Variants in PTGER3 observed in about 807,000 individuals in gnomAD.
The protein encoded by PTGER3 is prostaglandin E receptor 3, also known as prostaglandin E2 receptor EP3 subtype.
Under a neutral mutation model 34.7 loss-of-function variants are expected in PTGER3, and 22 were observed. The observed-to-expected ratio is 0.63, with a 90% CI of 0.45 to 0.91. PTGER3 has a LOEUF of 0.91. Among genes scored for constraint, PTGER3 ranks in the 40% least tolerant of loss-of-function variants. PTGER3 has a pLI of 0.00. For missense variants in PTGER3, 468 were observed against 519.4 expected (o/e 0.90, Z 0.96); for synonymous variants, 241 against 230.1 (o/e 1.05, Z -0.43).
At chr1:70,916,457 A>C (rs1557652812) in intron 4 of PTGER3, among the ~76,000 whole-genome samples, 1 of 152,130 alleles carries the variant, frequency 6.6e-6, no homozygotes, top group Non-Finnish European at 1.5e-5. Context: ...GCTATTCACA[A>C]CAGCAAAGAC....
intron 4 of PTGER3, chr1:70,869,345 T>G (rs766197102): frequency 2.2e-5 from 10 of 464,460 alleles, no homozygotes; most frequent in African/African-American, 2.0e-4. Context: ...CAATTCAACA[T>G]GAGATTTGGG....
At chr1:70,945,974 T>G (rs1650189981) in intron 4 of PTGER3, among the ~76,000 whole-genome samples, 1 of 152,066 alleles carries the variant, frequency 6.6e-6, no homozygotes, top group South Asian at 2.1e-4. Context: ...CAGCTAACAT[T>G]GGAAAGGGCC....
At chr1:70,911,938 G>A (rs1362094432) in intron 4 of PTGER3, among the ~76,000 whole-genome samples, 5 of 151,944 alleles carry the variant, frequency 3.3e-5, no homozygotes, top group Non-Finnish European at 5.9e-5. Context: ...AAAATTTTTT[G>A]TACTTTCGTG....
At chr1:70,925,979 G>A (rs949528531) in intron 4 of PTGER3, among the ~76,000 whole-genome samples, 2 of 151,968 alleles carry the variant, frequency 1.3e-5, no homozygotes, top group African/African-American at 4.8e-5. Flanking sequence ...GTATCCCCTG[G>A]GGCTACACAG....
intron 4 of PTGER3, among the ~76,000 whole-genome samples, chr1:70,940,824 G>A (rs563584407): frequency 6.6e-6 from 1 of 152,216 alleles, no homozygotes; most frequent in South Asian, 2.1e-4. Flanking sequence ...GTATTCCTTA[G>A]TTGTTTGTCA....
Position 70,952,705 on chromosome 1 carries a change from C to T in PTGER3, c.*202G>A, listed in dbSNP as rs760897795. The T allele has an allele frequency of 4.7e-5, 58 of 1,225,864 alleles. No individual in the cohort carries two copies. In the South Asian group the frequency reaches 1.1e-3, roughly 23 times the overall value. 75.9% of individuals were successfully genotyped at this position (1,225,864 alleles called of 1,614,324 possible). ...TACTATAAGTCTAAATTGGGTAGTT[C>T]GAGTGACCAACCAGTTTGTTCAGCT... On this transcript the variant is annotated 3_prime_UTR_variant, in exon 4 of 4. Transcript: ENST00000356595.
At chr1:70,927,808 T>A (rs545983) in intron 4 of PTGER3, among the ~76,000 whole-genome samples, 135,409 of 152,098 alleles carry the variant, frequency 0.89, 60,316 homozygotes, top group East Asian at 0.96. Flanking sequence ...AATGATGTTA[T>A]CTGTCTCCAG....
chr1:70,895,621 T>G (rs1038427715), intron 4 of PTGER3, among the ~76,000 whole-genome samples: 1 of 152,216 alleles, frequency 6.6e-6, no homozygotes, highest in African/African-American at 2.4e-5. Flanking sequence ...GCTCAGTCCC[T>G]GATGTGAGAT....
intron 4 of PTGER3, among the ~76,000 whole-genome samples, chr1:70,897,082 C>A (rs1335934449): frequency 6.6e-6 from 1 of 152,072 alleles, no homozygotes; most frequent in Non-Finnish European, 1.5e-5. Flanking sequence ...CTGTGGAATG[C>A]CTCTTCCTTT....
chr1:71,022,162 T>G (rs1387882309), intron 1 of PTGER3, among the ~76,000 whole-genome samples: 1 of 151,860 alleles, frequency 6.6e-6, no homozygotes, highest in Non-Finnish European at 1.5e-5. Flanking sequence ...AGCATTACAT[T>G]TAGAGTAGCT....
chr1:71,011,946 AT>A, intron 2 of PTGER3: 1 of 1,255,866 alleles, frequency 8.0e-7, no homozygotes, highest in Non-Finnish European at 1.0e-6. Context: ...TTTATAAAAA[AT>A]GTTTTCATCA....
intron 2 of PTGER3, among the ~76,000 whole-genome samples, chr1:71,003,611 A>G (rs1656679999): frequency 6.6e-6 from 1 of 152,146 alleles, no homozygotes; most frequent in South Asian, 2.1e-4. Context: ...AAATTGTGTT[A>G]TTTCTTATCA....
At chr1:70,896,900 T>A (rs1646731874) in intron 4 of PTGER3, among the ~76,000 whole-genome samples, 1 of 152,088 alleles carries the variant, frequency 6.6e-6, no homozygotes. Flanking sequence ...TATCCCACAA[T>A]ATGGCTTGAT....
chr1:70,880,406 G>C (rs1646364803), intron 4 of PTGER3, among the ~76,000 whole-genome samples: 1 of 149,200 alleles, frequency 6.7e-6, no homozygotes, highest in Non-Finnish European at 1.5e-5. Context: ...TAAGAATGCT[G>C]AGGCTGGGCG....
intron 4 of PTGER3, among the ~76,000 whole-genome samples, chr1:70,922,858 T>A (rs1237300593): frequency 1.3e-5 from 2 of 152,166 alleles, no homozygotes; most frequent in Non-Finnish European, 2.9e-5. Flanking sequence ...TTGTGAAAAA[T>A]TAATTGTAAA....
In PTGER3 at chr1:70,964,929, G is replaced by A. The variant is rs142741427; in HGVS notation, c.1078-11140C>T. 3.9e-4 allele frequency among the ~76,000 whole-genome samples: 59 copies of A among 152,222 alleles called. 1 individual carries two copies. The highest frequency in any genetic ancestry group is 1.3e-3 in the African/African-American group (53 of 41,508). On this transcript the variant is annotated intron_variant, in intron 2 of 3. Coordinates refer to the PTGER3 transcript ENST00000356595. ...AAGTGAGAAATATGGTTCCCATCTT[G>A]GATAGCAAAGAAGATGGACAAATAA...
At chr1:71,034,302 C>CT (rs1373807787) in intron 1 of PTGER3, among the ~76,000 whole-genome samples, 2 of 151,882 alleles carry the variant, frequency 1.3e-5, no homozygotes, top group Non-Finnish European at 2.9e-5. Flanking sequence ...TAATGTGTTC[C>CT]TTTTGTCATT....
rs1026067837 is a variant in PTGER3 at position 71,021,475 on chromosome 1, T to C, written c.898-8991A>G. Reference sequence around the variant, plus strand: ...ATCAAAGGATTCATTTCTTGGATTATGGATGATGGATTAGCTGGGTGACAC... The same window carrying C: ...ATCAAAGGATTCATTTCTTGGATTACGGATGATGGATTAGCTGGGTGACAC... On this transcript the variant is annotated intron_variant, in intron 1 of 3. Transcript: ENST00000306666. Among the ~76,000 whole-genome samples the C allele has an allele frequency of 5.9e-5, 9 of 152,290 alleles. No homozygotes were observed. In the South Asian group the frequency reaches 1.0e-3, roughly 18 times the overall value.
chr1:70,945,204 T>C (rs918833069), intron 4 of PTGER3, among the ~76,000 whole-genome samples: 5 of 152,094 alleles, frequency 3.3e-5, no homozygotes, highest in African/African-American at 1.2e-4. Context: ...AAAAACAAAC[T>C]AAACATGGCC....
Sources: gnomAD v4.1 joint callset for allele counts (sites outside exome capture counted in the v4.1 genomes callset) on GRCh38, gnomAD v4.1.1 for gene constraint, MANE v1.5 for transcripts, NCBI Gene and HGNC (gene_info 2026-07-23, HGNC 2026-07-21) for gene names.